Variants in TMEM71 observed in about 807,000 individuals in gnomAD.
The protein encoded by TMEM71 is transmembrane protein 71.
TMEM71 carries 44 observed loss-of-function variants against 38.0 expected under a neutral mutation model. The ratio of observed to expected loss-of-function variants is 1.16; its 90% CI spans 0.91 to 1.49. TMEM71 has a LOEUF of 1.49. Among genes scored for constraint, TMEM71 ranks in the 40% most tolerant of loss-of-function variants. TMEM71 has a pLI of 0.00. For missense variants in TMEM71, 367 were observed against 348.6 expected, an observed-to-expected ratio of 1.05 and a Z score of -0.42; for synonymous variants, 133 against 122.5, an observed-to-expected ratio of 1.09 and a Z score of -0.56.
the TMEM71 span, chr8:132,775,406 A>AGGCGGCGGCGGC: frequency 2.1e-5 from 8 of 382,548 alleles, no homozygotes; most frequent in Middle Eastern, 6.7e-4. Flanking sequence ...CCGGCGGCGG[A>AGGCGGCGGCGGC]GGCGGCGGCG....
chr8:132,738,132 T>C (rs898190137), intron 5 of TMEM71, among the ~76,000 whole-genome samples: 77 of 139,468 alleles, frequency 5.5e-4, no homozygotes, highest in African/African-American at 1.9e-3. Context: ...TTGCATTTCA[T>C]CCTCCCCATT....
intron 6 of TMEM71, among the ~76,000 whole-genome samples, chr8:132,726,880 CTGT>C (rs1827173326): frequency 7.0e-6 from 1 of 143,708 alleles, no homozygotes; most frequent in Non-Finnish European, 1.5e-5. Flanking sequence ...GAGTCTTACT[CTGT>C]CACCCAGGCT....
chr8:132,718,915 A>G (rs1181221697), intron 7 of TMEM71, among the ~76,000 whole-genome samples: 2 of 152,256 alleles, frequency 1.3e-5, no homozygotes, highest in East Asian at 1.9e-4. Context: ...GAGATTACGA[A>G]TAAATACAAA....
the TMEM71 span, among the ~76,000 whole-genome samples, chr8:132,766,113 T>C: frequency 1.3e-5 from 2 of 152,178 alleles, no homozygotes; most frequent in African/African-American, 2.4e-5. Flanking sequence ...CTGTGTTAAC[T>C]GCAAGTTGGC....
At chr8:132,755,453 A>T (rs1828951703) in intron 3 of TMEM71, among the ~76,000 whole-genome samples, 1 of 152,198 alleles carries the variant, frequency 6.6e-6, no homozygotes. Flanking sequence ...GTCCAATCCC[A>T]CAGCAAAGTC....
intron 7 of TMEM71, among the ~76,000 whole-genome samples, chr8:132,714,730 A>T (rs1826411440): frequency 2.0e-5 from 3 of 152,192 alleles, no homozygotes; most frequent in Admixed American, 2.0e-4. Context: ...TCAAAATGTA[A>T]AACTTCTGCA....
intron 7 of TMEM71, among the ~76,000 whole-genome samples, chr8:132,715,647 T>G (rs546742823): frequency 6.6e-6 from 1 of 152,290 alleles, no homozygotes; most frequent in South Asian, 2.1e-4. Context: ...TGTAGAAGCT[T>G]TATTCAAAGT....
At chr8:132,715,497 G>C (rs1826477925) in intron 7 of TMEM71, among the ~76,000 whole-genome samples, 1 of 145,012 alleles carries the variant, frequency 6.9e-6, no homozygotes, top group African/African-American at 2.6e-5. Flanking sequence ...GTTAAACATA[G>C]ACTTACCATA....
intron 6 of TMEM71, among the ~76,000 whole-genome samples, chr8:132,724,399 A>G (rs190032393): frequency 1.1e-4 from 17 of 152,220 alleles, no homozygotes; most frequent in South Asian, 4.1e-4. Flanking sequence ...TAGGGTCTTA[A>G]TATTAATATT....
At chr8:132,758,958 T>C in intron 1 of TMEM71, 43 bp from the exon 2 acceptor site, 1 of 1,290,054 alleles carries the variant, frequency 7.8e-7, no homozygotes, top group South Asian at 1.2e-5. Context: ...ATATTAAAAA[T>C]AGAAAAATTA....
chr8:132,759,400 G>C (rs535283748), intron 1 of TMEM71: 4 of 109,524 alleles, frequency 3.7e-5, no homozygotes, highest in Admixed American at 1.1e-4. Flanking sequence ...ACCATTGACA[G>C]GTAGTCACAG....
chr8:132,732,816 T>C (rs1263371474), intron 5 of TMEM71, among the ~76,000 whole-genome samples: 1 of 152,064 alleles, frequency 6.6e-6, no homozygotes, highest in East Asian at 1.9e-4. Context: ...GTGAGGGGTG[T>C]TACGGGCATC....
intron 4 of TMEM71, among the ~76,000 whole-genome samples, chr8:132,749,567 G>C (rs902539551): frequency 6.6e-6 from 1 of 152,108 alleles, no homozygotes; most frequent in Non-Finnish European, 1.5e-5. Flanking sequence ...TTACCAGTTG[G>C]CTCCAGGCAA....
intron 5 of TMEM71, among the ~76,000 whole-genome samples, chr8:132,731,111 T>G (rs1331217927): frequency 1.3e-5 from 2 of 152,234 alleles, no homozygotes; most frequent in African/African-American, 4.8e-5. Context: ...CTGAGTTTCT[T>G]CATGTAAAAT....
At chr8:132,718,668 A>G (rs1248319179) in intron 7 of TMEM71, among the ~76,000 whole-genome samples, 1 of 152,162 alleles carries the variant, frequency 6.6e-6, no homozygotes, top group Non-Finnish European at 1.5e-5. Context: ...AAGTGCTGGG[A>G]CTACAGGCGT....
chr8:132,760,176 A>C (rs1829250727), intron 1 of TMEM71: 1 of 114,070 alleles, frequency 8.8e-6, no homozygotes, highest in Admixed American at 1.0e-4. Flanking sequence ...ATAGAAAATT[A>C]GTAACAGTAG....
intron 3 of TMEM71, among the ~76,000 whole-genome samples, chr8:132,752,862 A>C (rs1303652723): frequency 6.6e-6 from 1 of 150,640 alleles, no homozygotes; most frequent in Non-Finnish European, 1.5e-5. Flanking sequence ...GAAGGAAGGA[A>C]GGAAGGAAGG....
chr8:132,727,291 C>CT (rs1246858675), intron 6 of TMEM71, among the ~76,000 whole-genome samples: 3 of 149,976 alleles, frequency 2.0e-5, no homozygotes, highest in Non-Finnish European at 4.4e-5. Flanking sequence ...GAGTCTCGCT[C>CT]TGTCACCCAG....
At chr8:132,739,075 G>A (rs959202487) in intron 5 of TMEM71, among the ~76,000 whole-genome samples, 4 of 152,060 alleles carry the variant, frequency 2.6e-5, no homozygotes, top group East Asian at 3.8e-4. Flanking sequence ...AAAATGTTAC[G>A]TGTGTCTTCT....
Sources: gnomAD v4.1 joint callset for allele counts (sites outside exome capture counted in the v4.1 genomes callset) on GRCh38, gnomAD v4.1.1 for gene constraint, MANE v1.5 for transcripts, NCBI Gene and HGNC (gene_info 2026-07-23, HGNC 2026-07-21) for gene names.